The following TBC1D4 variants were observed in gnomAD, a reference collection of about 807,000 sequenced individuals.
TBC1D4 encodes the protein TBC1 domain family member 4, also known as TBC (Tre-2, BUB2, CDC16) domain-containing protein.
A neutral mutation model predicts 142.5 loss-of-function variants in TBC1D4; 121 were observed. That is an observed-to-expected ratio of 0.85 (90% CI 0.73 to 0.99). The LOEUF (loss-of-function observed/expected upper bound fraction) is 0.99. TBC1D4 is among the 50% of genes least tolerant of loss of function. The pLI, the probability that TBC1D4 is intolerant of heterozygous loss-of-function variation, is 0.00. For synonymous variants in TBC1D4, 630 were observed against 628.2 expected (o/e 1.00, Z -0.04); for missense variants, 1,475 against 1,606.6 (o/e 0.92, Z 1.40).
intron 1 of TBC1D4, among the ~76,000 whole-genome samples, chr13:75,400,615 GC>G (rs66975129): frequency 0.99 from 149,334 of 150,112 alleles, 74,285 homozygotes; most frequent in Middle Eastern, 1. Flanking sequence ...CCACCACCAT[GC>G]CCAGCTAATT....
At chr13:75,299,241 T>G (rs574842028) in intron 17 of TBC1D4, 89 bp downstream of exon 17, 3 of 1,597,748 alleles carry the variant, frequency 1.9e-6, no homozygotes, top group South Asian at 2.2e-5. Flanking sequence ...GCTCTACATT[T>G]CTTTAAATCT....
chr13:75,324,335 G>A lies in TBC1D4; in HGVS notation c.2100C>T (p.His700=). 1 of 1,614,040 alleles carries A rather than the reference G, an allele frequency of 6.2e-7. No homozygotes were observed. The highest frequency in any genetic ancestry group is 8.5e-7 in the Non-Finnish European group (1 of 1,179,926). ...TGAAGGAAGGGGCAGAGAAGGAAGT[G>A]TGAAGACTTGGAAGACTGGAGGAAG... is the stretch of plus-strand genomic sequence containing the variant. ...SNSSSSLPSL[H]TSFSAPSFTA... The change falls in exon 11 of 21, where the codon CAC becomes CAT. Residue 700 remains histidine, a synonymous_variant. Transcript: ENST00000377636.
intron 1 of TBC1D4, among the ~76,000 whole-genome samples, chr13:75,378,511 AT>A (rs1883643779): frequency 6.6e-6 from 1 of 152,064 alleles, no homozygotes; most frequent in Non-Finnish European, 1.5e-5. Context: ...TGACAATAGA[AT>A]TTTCTCTTTT....
intron 1 of TBC1D4, among the ~76,000 whole-genome samples, chr13:75,453,556 A>C (rs1239637553): frequency 6.6e-6 from 1 of 152,070 alleles, no homozygotes; most frequent in African/African-American, 2.4e-5. Flanking sequence ...TAGAAAAAAC[A>C]TTTTCTATTT....
At chr13:75,422,566 G>A (rs141598860) in intron 1 of TBC1D4, among the ~76,000 whole-genome samples, 14 of 152,164 alleles carry the variant, frequency 9.2e-5, no homozygotes, top group African/African-American at 2.9e-4. Context: ...AAATCCTTTC[G>A]AACTTCAATT....
In TBC1D4 at chr13:75,362,967, A is replaced by G. The variant is rs1248919003; in HGVS notation, c.499-360T>C. Among the ~76,000 whole-genome samples, 1 of 152,218 alleles carries G rather than the reference A, an allele frequency of 6.6e-6. No homozygotes were observed. The highest frequency in any genetic ancestry group is 1.9e-4 in the East Asian group (1 of 5,194). ...TCAGCTGAAAGGAACCAAAGTTCCA[A>G]CCATGAGGACAAAATAACCTTTTTT... is the stretch of plus-strand genomic sequence containing the variant. On this transcript the variant is annotated intron_variant, in intron 1 of 20. Coordinates refer to ENST00000377636, the MANE Select transcript of TBC1D4 (RefSeq NM_014832.5). The surrounding 1 kb of genome is among the most constrained non-coding windows in gnomAD (Gnocchi z 4.2).
intron 1 of TBC1D4, among the ~76,000 whole-genome samples, chr13:75,462,210 T>C (rs1887998573): frequency 6.6e-6 from 1 of 152,122 alleles, no homozygotes; most frequent in Non-Finnish European, 1.5e-5. Context: ...ATCAACTATA[T>C]ACATGAAGGG....
At chr13:75,459,860 T>C (rs78480255) in intron 1 of TBC1D4, among the ~76,000 whole-genome samples, 1 of 152,270 alleles carries the variant, frequency 6.6e-6, no homozygotes, top group Non-Finnish European at 1.5e-5. Context: ...TAATACATAT[T>C]GGCAAGGCGC....
intron 1 of TBC1D4, among the ~76,000 whole-genome samples, chr13:75,451,016 C>T (rs1047455017): frequency 1.3e-5 from 2 of 152,142 alleles, no homozygotes; most frequent in African/African-American, 2.4e-5. Context: ...TCTTTTCAAG[C>T]GTCCTTCTAT....
intron 1 of TBC1D4, among the ~76,000 whole-genome samples, chr13:75,437,776 T>A (rs1025853525): frequency 6.6e-6 from 1 of 152,144 alleles, no homozygotes; most frequent in Admixed American, 6.6e-5. Flanking sequence ...AATTCCTCTA[T>A]AAAACAGAGC....
intron 1 of TBC1D4, among the ~76,000 whole-genome samples, chr13:75,409,974 G>T (rs898172602): frequency 6.6e-6 from 1 of 152,110 alleles, no homozygotes; most frequent in Admixed American, 6.5e-5. Flanking sequence ...GATTTCCCCA[G>T]CTTTCAGATT....
chr13:75,335,116 C>T (rs1309851063), intron 8 of TBC1D4, among the ~76,000 whole-genome samples: 1 of 152,196 alleles, frequency 6.6e-6, no homozygotes, highest in African/African-American at 2.4e-5. Context: ...CTCCCCTCCA[C>T]TGTGGCTCTG....
chr13:75,334,951 C>T (rs1473141552), intron 8 of TBC1D4, among the ~76,000 whole-genome samples: 2 of 152,140 alleles, frequency 1.3e-5, no homozygotes, highest in African/African-American at 4.8e-5. Flanking sequence ...TTACTTACTT[C>T]TTCAGTCCCT....
chr13:75,469,177 G>A (rs1888290198), intron 1 of TBC1D4, among the ~76,000 whole-genome samples: 1 of 152,184 alleles, frequency 6.6e-6, no homozygotes, highest in Non-Finnish European at 1.5e-5. Context: ...TAGGGGAGAT[G>A]ACTTATATGT....
intron 12 of TBC1D4, among the ~76,000 whole-genome samples, chr13:75,317,964 A>T (rs2137968930): frequency 6.6e-6 from 1 of 152,318 alleles, no homozygotes; most frequent in Middle Eastern, 3.4e-3. Context: ...CTATAATATG[A>T]ACTTGTCAAA....
intron 1 of TBC1D4, among the ~76,000 whole-genome samples, chr13:75,478,150 T>C (rs1369747232): frequency 6.6e-6 from 1 of 152,142 alleles, no homozygotes; most frequent in Non-Finnish European, 1.5e-5. Context: ...CCAACTCCAA[T>C]ATGTGAGTAG....
At chr13:75,354,035 G>A (rs67782866) in intron 4 of TBC1D4, among the ~76,000 whole-genome samples, 14,518 of 152,164 alleles carry the variant, frequency 0.095, 1,529 homozygotes, top group African/African-American at 0.25. Flanking sequence ...CAACACGTGT[G>A]GGTTTCAGTA....
intron 1 of TBC1D4, among the ~76,000 whole-genome samples, chr13:75,424,669 T>C (rs754648416): frequency 5.3e-5 from 8 of 152,138 alleles, no homozygotes; most frequent in Non-Finnish European, 1.2e-4. Flanking sequence ...AGCATACACA[T>C]AGGCCAGTGG....
intron 11 of TBC1D4, among the ~76,000 whole-genome samples, chr13:75,322,312 G>A (rs1487685594): frequency 6.6e-6 from 1 of 152,124 alleles, no homozygotes; most frequent in Non-Finnish European, 1.5e-5. Context: ...ATTTTTTAAT[G>A]ATCTTAGAAA....
Sources: allele counts gnomAD v4.1 joint callset (sites outside exome capture counted in the v4.1 genomes callset), GRCh38; gene constraint gnomAD v4.1.1; non-coding constraint Gnocchi (gnomAD v3.1); transcripts MANE v1.5; gene names NCBI Gene and HGNC (gene_info 2026-07-23, HGNC 2026-07-21).